The following ROR2 variants were observed in gnomAD, a reference collection of about 807,000 sequenced individuals.
ROR2 encodes tyrosine-protein kinase transmembrane receptor ROR2.
In ROR2, 33 loss-of-function variants were observed where a neutral mutation model predicts 74.9. That is an observed-to-expected ratio of 0.44 (90% CI 0.33 to 0.59). The LOEUF is 0.59. ROR2 is among the 20% of genes least tolerant of loss of function. The pLI is 0.02. For missense variants in ROR2, 1,216 were observed against 1,313.8 expected (o/e 0.93, Z 1.15); for synonymous variants, 586 against 558.7 (o/e 1.05, Z -0.69).
intron 1 of ROR2, among the ~76,000 whole-genome samples, chr9:91,909,773 T>C (rs936393410): frequency 6.6e-6 from 1 of 151,382 alleles, no homozygotes; most frequent in African/African-American, 2.4e-5. Flanking sequence ...CATACTGTGC[T>C]TTTTCTTCAA....
intron 3 of ROR2, among the ~76,000 whole-genome samples, chr9:91,756,449 A>G (rs1300048528): frequency 1.3e-5 from 2 of 152,118 alleles, no homozygotes; most frequent in Non-Finnish European, 2.9e-5. Flanking sequence ...AGTTTTTCAC[A>G]GGTGGGATGA....
intron 1 of ROR2, among the ~76,000 whole-genome samples, chr9:91,915,847 G>T (rs1831119122): frequency 1.3e-5 from 2 of 152,204 alleles, no homozygotes. Context: ...CCTAGATACA[G>T]AATGCTGATT....
At chr9:91,741,301 G>C (rs868503541) in intron 4 of ROR2, among the ~76,000 whole-genome samples, 31 of 100,614 alleles carry the variant, frequency 3.1e-4, no homozygotes, top group Middle Eastern at 9.3e-3. Context: ...TCTGTCTCAA[G>C]TAGTAATAAT....
At chr9:91,877,508 G>C (rs1447669005) in intron 1 of ROR2, among the ~76,000 whole-genome samples, 1 of 152,148 alleles carries the variant, frequency 6.6e-6, no homozygotes, top group African/African-American at 2.4e-5. Flanking sequence ...TTCAGGAAAA[G>C]AAGATAGATA....
At chr9:91,848,351 C>T (rs780970968) in intron 1 of ROR2, among the ~76,000 whole-genome samples, 6 of 152,154 alleles carry the variant, frequency 3.9e-5, no homozygotes, top group Non-Finnish European at 7.4e-5. Context: ...AGGAGTGGAC[C>T]TCTGTCTGTC....
chr9:91,757,627 C>A, intron 2 of ROR2, 68 bp from the exon 3 acceptor site: 1 of 1,557,576 alleles, frequency 6.4e-7, no homozygotes, highest in Non-Finnish European at 8.7e-7. Flanking sequence ...TACCTGGGGG[C>A]TCTGCTATGA....
chr9:91,864,859 G>A (rs1271063350), intron 1 of ROR2, among the ~76,000 whole-genome samples: 1 of 152,202 alleles, frequency 6.6e-6, no homozygotes, highest in Non-Finnish European at 1.5e-5. Flanking sequence ...TATTTAAGCA[G>A]ATGTTGCACA....
intron 1 of ROR2, among the ~76,000 whole-genome samples, chr9:91,838,393 C>T (rs1446438457): frequency 1.3e-5 from 2 of 152,222 alleles, no homozygotes; most frequent in Non-Finnish European, 2.9e-5. Context: ...TCTGCATCTC[C>T]TGCAGCCCCT....
At chr9:91,731,560 G>C (rs1227494189) in intron 6 of ROR2, among the ~76,000 whole-genome samples, 2 of 152,168 alleles carry the variant, frequency 1.3e-5, no homozygotes, top group Admixed American at 6.5e-5. Flanking sequence ...AACAGTGCAG[G>C]CCACGCCACC....
intron 7 of ROR2, 96 bp downstream of exon 7, chr9:91,730,814 C>T: frequency 1.9e-6 from 3 of 1,552,356 alleles, no homozygotes; most frequent in Admixed American, 1.7e-5. Context: ...CGCCACCGTA[C>T]AGAGGCACAC....
rs112474427 is a variant in ROR2 at position 91,751,039 on chromosome 9, T to C, written c.494+5032A>G. On this transcript the variant is annotated intron_variant, in intron 4 of 8. Transcript: ENST00000375708. ...GGTGAGGCTATGAATGACTTGGCCA[T>C]CATAGAGGGCAATCTGGCCATTCCT... 8.0e-3 allele frequency among the ~76,000 whole-genome samples: 1,215 copies of C among 152,280 alleles called. 6 individuals carry two copies. Among genetic ancestry groups the C allele is most frequent in the South Asian group, 0.02 (98 of 4,822 alleles).
intron 2 of ROR2, among the ~76,000 whole-genome samples, chr9:91,774,853 G>GT (rs1404991114): frequency 1.3e-5 from 2 of 152,214 alleles, no homozygotes; most frequent in African/African-American, 2.4e-5. Context: ...TAAAACAAAT[G>GT]TAAGTTTCAA....
intron 1 of ROR2, among the ~76,000 whole-genome samples, chr9:91,921,856 CAAAAAAAA>C (rs560682210): frequency 1.1e-5 from 1 of 88,322 alleles, no homozygotes; most frequent in Non-Finnish European, 2.4e-5. Context: ...GACTCCGTCT[CAAAAAAAA>C]AAAAAAAAAA....
chr9:91,890,376 C>A (rs1830395088), intron 1 of ROR2, among the ~76,000 whole-genome samples: 1 of 152,184 alleles, frequency 6.6e-6, no homozygotes, highest in African/African-American at 2.4e-5. Context: ...ATTTCTTTTT[C>A]TTTGATATTC....
intron 1 of ROR2, among the ~76,000 whole-genome samples, chr9:91,801,066 C>T (rs918462858): frequency 1.3e-5 from 2 of 152,216 alleles, no homozygotes; most frequent in East Asian, 1.9e-4. Context: ...CAGAATCTCA[C>T]CCCCTCCCAC....
At chr9:91,887,294 C>CTTA (rs1410921940) in intron 1 of ROR2, 1 of 152,224 alleles carries the variant, frequency 6.6e-6, no homozygotes, top group African/African-American at 2.4e-5. Context: ...AAATGAAAGG[C>CTTA]TTATTCTTTT....
At chr9:91,778,062 G>T (rs12336151) in intron 1 of ROR2, among the ~76,000 whole-genome samples, 4,727 of 152,256 alleles carry the variant, frequency 0.031, 98 homozygotes, top group Middle Eastern at 0.051. Flanking sequence ...GAGCTACTAG[G>T]ATTGCTGCTC....
At chr9:91,903,542 T>C (rs945236243) in intron 1 of ROR2, among the ~76,000 whole-genome samples, 2 of 152,160 alleles carry the variant, frequency 1.3e-5, no homozygotes, top group Non-Finnish European at 2.9e-5. Context: ...ATGGAGTATT[T>C]TCAAGGCAGA....
rs186763687 is a variant in ROR2, at chr9:91,768,332, G to A, written c.175+7409C>T. On this transcript the variant is annotated intron_variant, in intron 2 of 8. Coordinates refer to ENST00000375708, the MANE Select transcript of ROR2 (RefSeq NM_004560.4). The stretch of plus-strand genomic sequence containing the variant: ...AATTGAAGAAGAAAGAAGAACGGCT[G>A]TAGAAGGAAGGAGACAGCCCAAGAA... Among the ~76,000 whole-genome samples, 164 of 152,342 alleles carry A rather than the reference G, an allele frequency of 1.1e-3. 1 individual carries two copies. The highest frequency in any genetic ancestry group is 3.6e-3 in the African/African-American group (148 of 41,572).
Sources: allele counts gnomAD v4.1 joint callset (sites outside exome capture counted in the v4.1 genomes callset), GRCh38; gene constraint gnomAD v4.1.1; transcripts MANE v1.5; gene names NCBI Gene and HGNC (gene_info 2026-07-23, HGNC 2026-07-21).